Variants in PCCA observed in about 807,000 individuals in gnomAD.
PCCA encodes propionyl-CoA carboxylase alpha chain, mitochondrial.
In PCCA, 74 loss-of-function variants were observed where a neutral mutation model predicts 101.3. The ratio of observed to expected loss-of-function variants is 0.73; its 90% CI spans 0.61 to 0.89. The LOEUF (loss-of-function observed/expected upper bound fraction) is 0.89, where lower values mean the gene tolerates loss of function less well. PCCA is among the 40% of genes least tolerant of loss of function. The pLI, the probability that PCCA is intolerant of heterozygous loss-of-function variation, is 0.00. For synonymous variants in PCCA, 294 were observed against 313.6 expected, an observed-to-expected ratio of 0.94 and a Z score of 0.66; for missense variants, 891 against 907.0, an observed-to-expected ratio of 0.98 and a Z score of 0.23.
intron 21 of PCCA, among the ~76,000 whole-genome samples, chr13:100,513,316 T>C (rs1476509479): frequency 6.6e-6 from 1 of 152,238 alleles, no homozygotes; most frequent in East Asian, 1.9e-4. Context: ...GTTGTTATTT[T>C]TTACTTGCTA....
At position 100,253,636 on chromosome 13, in the gene PCCA, A is replaced by G. The variant is rs1217268428; in HGVS notation, c.638-3959A>G. 2.6e-5 allele frequency among the ~76,000 whole-genome samples: 4 copies of G among 152,192 alleles called. No homozygotes were observed. In the East Asian group the frequency reaches 5.8e-4, roughly 22 times the overall value. On this transcript the variant is annotated intron_variant, in intron 8 of 23. Transcript: ENST00000376285. ...CTAAGTTTCTGTATTTTCTTCGTAT[A>G]TTTTGTCATATAGTATTAGTAGATT...
chr13:100,519,370 T>C (rs1478560318), intron 22 of PCCA, among the ~76,000 whole-genome samples: 1 of 152,250 alleles, frequency 6.6e-6, no homozygotes, highest in Non-Finnish European at 1.5e-5. Flanking sequence ...GGGGCTAAGA[T>C]GAAAAGATCC....
At chr13:100,234,673 G>A (rs1238580930) in intron 7 of PCCA, among the ~76,000 whole-genome samples, 2 of 151,326 alleles carry the variant, frequency 1.3e-5, no homozygotes, top group Non-Finnish European at 2.9e-5. Context: ...TTAGACATAA[G>A]TGAACCAGTT....
rs894020515 is a variant in PCCA at position 100,444,150 on chromosome 13, A to G, written c.1846-5102A>G. Among the ~76,000 whole-genome samples the G allele has an allele frequency of 2.0e-5, 3 of 151,540 alleles. No individual in the cohort carries two copies. In the East Asian group the frequency reaches 5.8e-4, roughly 29 times the overall value. ...TAACATTCCCTAAACTTGCCATGCC[A>G]TCGTGCCATCCCTTAATCTGAAATT... is the stretch of plus-strand genomic sequence containing the variant. On this transcript the variant is annotated intron_variant, in intron 20 of 23. Coordinates refer to ENST00000376285, the MANE Select transcript of PCCA (RefSeq NM_000282.4).
chr13:100,367,133 C>A (rs1335016237), intron 18 of PCCA, among the ~76,000 whole-genome samples: 1 of 152,048 alleles, frequency 6.6e-6, no homozygotes, highest in East Asian at 1.9e-4. Flanking sequence ...TATAAATATG[C>A]AATACCTAAA....
At chr13:100,168,923 G>A (rs1294022295) in intron 6 of PCCA, among the ~76,000 whole-genome samples, 1 of 152,048 alleles carries the variant, frequency 6.6e-6, no homozygotes, top group African/African-American at 2.4e-5. Context: ...TAAACTGAGG[G>A]TTTTTATTGT....
intron 6 of PCCA, among the ~76,000 whole-genome samples, chr13:100,164,030 A>T (rs570979712): frequency 6.6e-6 from 1 of 152,234 alleles, no homozygotes; most frequent in East Asian, 1.9e-4. Flanking sequence ...ACTATCCTCT[A>T]TGTTATAGTT....
intron 6 of PCCA, among the ~76,000 whole-genome samples, chr13:100,163,311 G>A (rs939034567): frequency 2.0e-5 from 3 of 152,128 alleles, no homozygotes; most frequent in Non-Finnish European, 4.4e-5. Flanking sequence ...AGCTCATTCT[G>A]GAGTCAGAAT....
chr13:100,199,359 A>G (rs531164475), intron 6 of PCCA, among the ~76,000 whole-genome samples: 1 of 152,130 alleles, frequency 6.6e-6, no homozygotes, highest in Non-Finnish European at 1.5e-5. Flanking sequence ...AGTCTTGTCC[A>G]TTTATTTTTA....
chr13:100,134,200 C>T (rs1355018026), intron 4 of PCCA, among the ~76,000 whole-genome samples: 4 of 152,146 alleles, frequency 2.6e-5, no homozygotes, highest in Admixed American at 1.3e-4. Flanking sequence ...TACTTTTGCA[C>T]CTCTGTCAAA....
At chr13:100,291,064 C>T (rs1270108861) in intron 12 of PCCA, among the ~76,000 whole-genome samples, 2 of 152,146 alleles carry the variant, frequency 1.3e-5, no homozygotes, top group African/African-American at 4.8e-5. Context: ...AGTATAACAA[C>T]AGTTTACATA....
intron 22 of PCCA, among the ~76,000 whole-genome samples, chr13:100,526,896 G>A (rs1364361307): frequency 6.6e-6 from 1 of 152,248 alleles, no homozygotes; most frequent in Non-Finnish European, 1.5e-5. Flanking sequence ...AAAGGCCCGT[G>A]GGCGCTCCCA....
At chr13:100,109,981 GA>G (rs1484880377) in intron 2 of PCCA, among the ~76,000 whole-genome samples, 2 of 152,004 alleles carry the variant, frequency 1.3e-5, no homozygotes, top group East Asian at 3.9e-4. Flanking sequence ...AAAATACAAA[GA>G]AATTAGCCGG....
intron 19 of PCCA, among the ~76,000 whole-genome samples, chr13:100,415,982 A>C (rs553547652): frequency 1.3e-5 from 2 of 152,260 alleles, no homozygotes; most frequent in South Asian, 4.1e-4. Context: ...TATCTCTCAA[A>C]TGTCAAATTA....
At chr13:100,284,816 C>T (rs552218473) in intron 12 of PCCA, among the ~76,000 whole-genome samples, 3 of 152,228 alleles carry the variant, frequency 2.0e-5, no homozygotes, top group Non-Finnish European at 1.5e-5. Flanking sequence ...CTTAGGTGGA[C>T]GGTCTTGCCC....
At chr13:100,179,753 G>A (rs958087011) in intron 6 of PCCA, among the ~76,000 whole-genome samples, 2 of 151,862 alleles carry the variant, frequency 1.3e-5, no homozygotes, top group Non-Finnish European at 2.9e-5. Flanking sequence ...GTTTGTGTGT[G>A]TGTGTACGTG....
intron 19 of PCCA, among the ~76,000 whole-genome samples, chr13:100,382,437 A>G (rs949780649): frequency 6.6e-6 from 1 of 152,142 alleles, no homozygotes; most frequent in Non-Finnish European, 1.5e-5. Flanking sequence ...GGAAAAGGCA[A>G]CATTTGAGCT....
intron 6 of PCCA, among the ~76,000 whole-genome samples, chr13:100,170,143 G>A (rs761412572): frequency 7.2e-5 from 11 of 152,232 alleles, no homozygotes; most frequent in Non-Finnish European, 1.2e-4. Context: ...AAGCATCCTT[G>A]TGCTTTCATT....
At chr13:100,401,407 C>T (rs890792814) in intron 19 of PCCA, among the ~76,000 whole-genome samples, 1 of 151,996 alleles carries the variant, frequency 6.6e-6, no homozygotes, top group Non-Finnish European at 1.5e-5. Flanking sequence ...CCATGCCTGG[C>T]TAATTTTTGT....
Sources: gnomAD v4.1 joint callset for allele counts (sites outside exome capture counted in the v4.1 genomes callset) on GRCh38, gnomAD v4.1.1 for gene constraint, MANE v1.5 for transcripts, NCBI Gene and HGNC (gene_info 2026-07-23, HGNC 2026-07-21) for gene names.